Variants in MAP4K5 observed in about 807,000 individuals in gnomAD.
MAP4K5 encodes mitogen-activated protein kinase kinase kinase kinase 5.
A neutral mutation model predicts 135.6 loss-of-function variants in MAP4K5; 82 were observed. That is an observed-to-expected ratio of 0.60 (90% CI 0.51 to 0.73). The LOEUF (loss-of-function observed/expected upper bound fraction) is 0.73, where lower values mean the gene tolerates loss of function less well. MAP4K5 is among the 30% of genes least tolerant of loss of function. The pLI, the probability that MAP4K5 is intolerant of heterozygous loss-of-function variation, is 0.00. For missense variants in MAP4K5, 907 were observed against 1,010.9 expected, an observed-to-expected ratio of 0.90 and a Z score of 1.39; for synonymous variants, 347 against 335.0, an observed-to-expected ratio of 1.04 and a Z score of -0.39.
chr14:50,537,969 G>A (rs2038515235), intron 2 of MAP4K5, among the ~76,000 whole-genome samples: 1 of 152,200 alleles, frequency 6.6e-6, no homozygotes, highest in South Asian at 2.1e-4. Flanking sequence ...TTGGGGGACT[G>A]TTGGGAAGGC....
intron 3 of MAP4K5, among the ~76,000 whole-genome samples, chr14:50,502,550 CA>C (rs1355865782): frequency 1.2e-4 from 19 of 152,148 alleles, no homozygotes; most frequent in Admixed American, 8.5e-4. Flanking sequence ...TTACTATTGT[CA>C]AAATGCCAAA....
intron 1 of MAP4K5, chr14:50,560,407 A>T: frequency 7.0e-7 from 1 of 1,429,084 alleles, no homozygotes. Flanking sequence ...GCCTGCGTCC[A>T]CGGCTGGGAG....
chr14:50,496,924 T>C (rs1011211838), intron 3 of MAP4K5, among the ~76,000 whole-genome samples: 1 of 152,176 alleles, frequency 6.6e-6, no homozygotes, highest in African/African-American at 2.4e-5. Flanking sequence ...AAAATTACAA[T>C]GTAAAAATTA....
rs565017865 is a variant in MAP4K5 at position 50,445,159 on chromosome 14, C to T, written c.1221G>A (p.Pro407=). The T allele has an allele frequency of 1.3e-5, 21 of 1,613,378 alleles. No individual in the cohort carries two copies. Among genetic ancestry groups the T allele is most frequent in the South Asian group, 2.2e-5 (2 of 91,020 alleles). Residue 407 remains proline, a synonymous_variant, in exon 18 of 33, where the codon CCG becomes CCA. Coordinates refer to ENST00000682126, the MANE Select transcript of MAP4K5 (RefSeq NM_006575.6). The part of the protein sequence containing the change: ...RISSYPEDNF[P]DEEKASTIKH... Reference sequence around the variant, plus strand: ...TTATGGTTGATGCTTTTTCTTCATCCGGAAAGTTGTCTTCAGGGTAACTGC... The same window carrying T: ...TTATGGTTGATGCTTTTTCTTCATCTGGAAAGTTGTCTTCAGGGTAACTGC...
chr14:50,481,292 C>A (rs138885196), intron 6 of MAP4K5, among the ~76,000 whole-genome samples: 7,170 of 148,692 alleles, frequency 0.048, 264 homozygotes, highest in Admixed American at 0.13. Context: ...TTACACATCT[C>A]TATATATATA....
At chr14:50,421,798 C>T (rs369168377) in intron 32 of MAP4K5, among the ~76,000 whole-genome samples, 8 of 151,930 alleles carry the variant, frequency 5.3e-5, no homozygotes, top group African/African-American at 1.7e-4. Flanking sequence ...CCCAGAGAAA[C>T]GGCCTCTGAT....
chr14:50,477,245 T>C (rs982318350), intron 6 of MAP4K5, among the ~76,000 whole-genome samples: 2 of 152,222 alleles, frequency 1.3e-5, no homozygotes, highest in African/African-American at 2.4e-5. Flanking sequence ...TATGTTATTA[T>C]ATGTTGTATT....
chr14:50,532,040 G>A lies in MAP4K5; in HGVS notation c.10C>T (p.Pro4Ser), dbSNP rs769350134. The part of the protein sequence containing the change: MEA[P>S]LRPAADILRR... ...AGGATGTCCGCGGCAGGCCGCAGCG[G>A]GGCCTCCATCTTCACTTAGGGCCCG... Residue 4 changes from proline (P) to serine (S), a missense_variant, in exon 2 of 33, where the codon CCG becomes TCG. Coordinates refer to ENST00000682126, the MANE Select transcript of MAP4K5 (RefSeq NM_006575.6). 57 of 1,568,188 alleles carry A rather than the reference G, an allele frequency of 3.6e-5. No homozygotes were observed. Among genetic ancestry groups the A allele is most frequent in the Non-Finnish European group, 4.7e-5 (54 of 1,154,718 alleles).
At chr14:50,504,115 G>T (rs1428927126) in intron 3 of MAP4K5, among the ~76,000 whole-genome samples, 1 of 151,960 alleles carries the variant, frequency 6.6e-6, no homozygotes, top group Non-Finnish European at 1.5e-5. Context: ...CAAATACTGT[G>T]TTTGAAATGC....
At chr14:50,494,124 T>A (rs1232234605) in intron 3 of MAP4K5, among the ~76,000 whole-genome samples, 1 of 151,928 alleles carries the variant, frequency 6.6e-6, no homozygotes, top group African/African-American at 2.4e-5. Flanking sequence ...TGGAAAGACA[T>A]CCCATGCTCA....
intron 2 of MAP4K5, among the ~76,000 whole-genome samples, chr14:50,506,441 C>T (rs1211511651): frequency 1.3e-5 from 2 of 152,194 alleles, no homozygotes; most frequent in African/African-American, 2.4e-5. Context: ...TCACTGCAGC[C>T]TCTGCCTCCT....
chr14:50,500,296 G>T (rs540055401), intron 3 of MAP4K5, among the ~76,000 whole-genome samples: 1 of 152,116 alleles, frequency 6.6e-6, no homozygotes, highest in East Asian at 1.9e-4. Flanking sequence ...CCTATGCAGC[G>T]AACTAAAATA....
intron 11 of MAP4K5, among the ~76,000 whole-genome samples, chr14:50,465,465 T>C (rs74050917): frequency 0.048 from 7,245 of 152,298 alleles, 545 homozygotes; most frequent in African/African-American, 0.16. Context: ...ACTATAAAGA[T>C]AGGTAAACTG....
intron 5 of MAP4K5, 79 bp from the exon 6 acceptor site, chr14:50,482,495 T>C: frequency 9.7e-7 from 1 of 1,026,558 alleles, no homozygotes; most frequent in Non-Finnish European, 1.4e-6. Flanking sequence ...AATGGCAAAC[T>C]AGGCCAAGCG....
intron 12 of MAP4K5, among the ~76,000 whole-genome samples, chr14:50,463,661 A>G (rs1034417899): frequency 7.2e-5 from 11 of 152,142 alleles, no homozygotes; most frequent in Middle Eastern, 3.4e-3. Context: ...AGGCGGGTGG[A>G]TCATTTGAGG....
chr14:50,507,484 T>C (rs1410418326), intron 2 of MAP4K5, among the ~76,000 whole-genome samples: 1 of 152,272 alleles, frequency 6.6e-6, no homozygotes, highest in Non-Finnish European at 1.5e-5. Context: ...TGTGGGCATT[T>C]AGTGCTATAA....
chr14:50,429,285 C>A, intron 28 of MAP4K5, 25 bp from the exon 29 acceptor site: 1 of 1,437,434 alleles, frequency 7.0e-7, no homozygotes, highest in Non-Finnish European at 9.5e-7. Context: ...AACAAGGTTA[C>A]AATTATACTT....
intron 5 of MAP4K5, 180 bp from the exon 6 acceptor site, chr14:50,482,596 G>A (rs1206986352): frequency 1.4e-5 from 6 of 441,974 alleles, no homozygotes; most frequent in African/African-American, 4.3e-5. Context: ...GGCCAACATG[G>A]TGAAACCCCG....
intron 30 of MAP4K5, among the ~76,000 whole-genome samples, chr14:50,427,775 A>C (rs1363722857): frequency 1.3e-5 from 2 of 152,232 alleles, no homozygotes; most frequent in Non-Finnish European, 2.9e-5. Flanking sequence ...CATAAAACCA[A>C]TGAGTATTAG....
Sources: gnomAD v4.1 joint callset for allele counts (sites outside exome capture counted in the v4.1 genomes callset) on GRCh38, gnomAD v4.1.1 for gene constraint, MANE v1.5 for transcripts, NCBI Gene and HGNC (gene_info 2026-07-23, HGNC 2026-07-21) for gene names.